GRM7: variants seen among roughly 807,000 people sequenced by gnomAD.
GRM7 encodes metabotropic glutamate receptor 7.
In GRM7, 35 loss-of-function variants were observed where a neutral mutation model predicts 84.5. The observed-to-expected ratio is 0.41, with a 90% confidence interval of 0.32 to 0.55. The LOEUF is 0.55. Ranked by LOEUF, GRM7 falls within the 20% of genes least tolerant of loss-of-function variation. The pLI is 0.19. For synonymous variants in GRM7, 487 were observed against 455.1 expected (o/e 1.07, Z -0.89); for missense variants, 1,003 against 1,194.6 (o/e 0.84, Z 2.36).
At chr3:7,669,610 A>G (rs1473643128) in intron 8 of GRM7, among the ~76,000 whole-genome samples, 3 of 152,224 alleles carry the variant, frequency 2.0e-5, no homozygotes, top group South Asian at 2.1e-4. Context: ...GTCGAAGAAC[A>G]TGTGGAAGAC....
chr3:7,150,295 G>C (rs1272550685), intron 2 of GRM7, among the ~76,000 whole-genome samples: 1 of 152,114 alleles, frequency 6.6e-6, no homozygotes, highest in East Asian at 1.9e-4. Flanking sequence ...TCCTGAGGCA[G>C]AGGCTACTTA....
intron 7 of GRM7, among the ~76,000 whole-genome samples, chr3:7,523,499 T>A (rs1467133278): frequency 6.6e-6 from 1 of 152,126 alleles, no homozygotes; most frequent in East Asian, 1.9e-4. Flanking sequence ...AAGTGTACAC[T>A]CCTGCTGTAT....
At chr3:7,215,141 A>G (rs1193213119) in intron 2 of GRM7, among the ~76,000 whole-genome samples, 1 of 152,186 alleles carries the variant, frequency 6.6e-6, no homozygotes, top group Admixed American at 6.5e-5. Flanking sequence ...TATAACATGT[A>G]TTTCCCTAAA....
rs552221600 is a variant in GRM7, at chr3:7,283,075, A to G, written c.737-15609A>G. On this transcript the variant is annotated intron_variant, in intron 2 of 9. Coordinates refer to ENST00000357716, the MANE Select transcript of GRM7 (RefSeq NM_000844.4). ...AAACCTATTTTCACATCTTGAGTCTACTGCTTGCTAGTGACATGACCTCGA... is the reference window on the plus strand; with the variant it reads ...AAACCTATTTTCACATCTTGAGTCTGCTGCTTGCTAGTGACATGACCTCGA... Among the ~76,000 whole-genome samples, 37 of 152,146 alleles carry G rather than the reference A, an allele frequency of 2.4e-4. No individual in the cohort carries two copies. In the East Asian group the frequency reaches 7.2e-3, roughly 30 times the overall value.
At chr3:6,910,688 A>G (rs983534) in intron 1 of GRM7, among the ~76,000 whole-genome samples, 57,440 of 151,938 alleles carry the variant, frequency 0.38, 14,666 homozygotes, top group African/African-American at 0.73. Flanking sequence ...AAATTCGAGA[A>G]TGTTCTGGGC....
intron 2 of GRM7, among the ~76,000 whole-genome samples, chr3:7,276,092 G>T (rs1699040344): frequency 6.6e-6 from 1 of 151,606 alleles, no homozygotes; most frequent in Non-Finnish European, 1.5e-5. Flanking sequence ...AAGAGCTGTT[G>T]GTATTTCATT....
intron 4 of GRM7, among the ~76,000 whole-genome samples, chr3:7,414,401 G>A (rs966773037): frequency 2.6e-5 from 4 of 152,154 alleles, no homozygotes; most frequent in Non-Finnish European, 5.9e-5. Flanking sequence ...TTTGGGATTT[G>A]AGCCTAGGCC....
intron 1 of GRM7, among the ~76,000 whole-genome samples, chr3:6,936,600 T>C (rs1016399777): frequency 6.6e-6 from 1 of 152,190 alleles, no homozygotes; most frequent in Non-Finnish European, 1.5e-5. Flanking sequence ...TTAAATTGTT[T>C]ATGCTGGAGT....
chr3:6,950,128 A>T (rs1432738889), intron 1 of GRM7, among the ~76,000 whole-genome samples: 1 of 151,926 alleles, frequency 6.6e-6, no homozygotes, highest in Non-Finnish European at 1.5e-5. Context: ...GAGGAGAGGC[A>T]CTCTGATTTT....
intron 8 of GRM7, among the ~76,000 whole-genome samples, chr3:7,669,343 G>T (rs757316206): frequency 6.6e-6 from 1 of 152,178 alleles, no homozygotes; most frequent in Non-Finnish European, 1.5e-5. Flanking sequence ...GGTAAAGATG[G>T]GTGGGAATAG....
In GRM7 at chr3:7,679,183, C is replaced by T. The variant is rs535005638; in HGVS notation, c.2452-866C>T. Among the ~76,000 whole-genome samples, 16 of 152,054 alleles carry T rather than the reference C, an allele frequency of 1.1e-4. No homozygotes were observed. The South Asian group carries it at 1.2e-3, about 12-fold the overall frequency. ...AGAAGAAAAGGAGGAACGTTCCATA[C>T]GTAGGAAAACAAAAATAAAGAAAAG... On this transcript the variant is annotated intron_variant, in intron 8 of 9. Transcript: ENST00000357716.
chr3:7,675,868 CCATTTT>C (rs1443047621), intron 8 of GRM7, among the ~76,000 whole-genome samples: 2 of 152,124 alleles, frequency 1.3e-5, no homozygotes, highest in African/African-American at 4.8e-5. Flanking sequence ...TTCTGCTAAA[CCATTTT>C]CATATATTAA....
chr3:6,994,916 T>C (rs527440151), intron 1 of GRM7, among the ~76,000 whole-genome samples: 5 of 152,346 alleles, frequency 3.3e-5, no homozygotes, highest in Admixed American at 3.3e-4. Flanking sequence ...ACCACAGCTA[T>C]TTCCAGTTCT....
At chr3:7,457,299 T>G (rs1449227304) in intron 6 of GRM7, among the ~76,000 whole-genome samples, 1 of 152,186 alleles carries the variant, frequency 6.6e-6, no homozygotes, top group African/African-American at 2.4e-5. Context: ...TTTCATCAAG[T>G]ATTTAGCCTC....
At chr3:7,165,258 CCCAGAATTA>C (rs1694762671) in intron 2 of GRM7, among the ~76,000 whole-genome samples, 1 of 152,176 alleles carries the variant, frequency 6.6e-6, no homozygotes, top group Non-Finnish European at 1.5e-5. Flanking sequence ...CTTCAATTAT[CCCAGAATTA>C]AAGTATACAG....
chr3:6,950,765 C>T (rs928246901), intron 1 of GRM7, among the ~76,000 whole-genome samples: 1 of 152,366 alleles, frequency 6.6e-6, no homozygotes, highest in South Asian at 2.1e-4. Flanking sequence ...GCAGGCGCCC[C>T]TCCCCCAGCC....
intron 7 of GRM7, among the ~76,000 whole-genome samples, chr3:7,491,154 TTATTA>T (rs1201357022): frequency 6.6e-6 from 1 of 151,916 alleles, no homozygotes; most frequent in Non-Finnish European, 1.5e-5. Flanking sequence ...TTTTTGCTTT[TTATTA>T]TATTCCTAAA....
intron 8 of GRM7, chr3:7,636,353 C>A (rs746655769): frequency 3.7e-5 from 17 of 453,636 alleles, no homozygotes; most frequent in Non-Finnish European, 7.6e-5. Context: ...GGGCCTCTGT[C>A]CTATTTATTT....
At chr3:7,530,369 G>C (rs1226850330) in intron 7 of GRM7, among the ~76,000 whole-genome samples, 2 of 152,134 alleles carry the variant, frequency 1.3e-5, no homozygotes, top group Non-Finnish European at 2.9e-5. Flanking sequence ...TTGGTTCCAA[G>C]ACTTTGCTAT....
Sources: gnomAD v4.1 joint callset for allele counts (sites outside exome capture counted in the v4.1 genomes callset) on GRCh38, gnomAD v4.1.1 for gene constraint, MANE v1.5 for transcripts, NCBI Gene and HGNC (gene_info 2026-07-23, HGNC 2026-07-21) for gene names.